CCSER1: variants seen among roughly 807,000 people sequenced by gnomAD.
The protein encoded by CCSER1 is coiled-coil serine rich protein 1, also known as serine-rich coiled-coil domain-containing protein 1.
CCSER1 carries 41 observed loss-of-function variants against 82.0 expected under a neutral mutation model. That is an observed-to-expected ratio of 0.50 (90% CI 0.39 to 0.65). The LOEUF is 0.65. Ranked by LOEUF, CCSER1 falls within the 30% of genes least tolerant of loss-of-function variation. CCSER1 has a pLI of 0.00. For synonymous variants in CCSER1, 414 were observed against 383.9 expected, an observed-to-expected ratio of 1.08 and a Z score of -0.92; for missense variants, 1,119 against 1,064.2, an observed-to-expected ratio of 1.05 and a Z score of -0.72.
chr4:91,308,533 A>G (rs1745232033), intron 10 of CCSER1, among the ~76,000 whole-genome samples: 1 of 152,036 alleles, frequency 6.6e-6, no homozygotes, highest in South Asian at 2.1e-4. Context: ...TCTTTGCTAA[A>G]GAACAATGCC....
intron 1 of CCSER1, among the ~76,000 whole-genome samples, chr4:90,225,089 G>A (rs1332527208): frequency 6.6e-6 from 1 of 150,948 alleles, no homozygotes; most frequent in Non-Finnish European, 1.5e-5. Flanking sequence ...TTTTGAGACA[G>A]TTTTCACTCC....
chr4:91,221,482 G>C (rs1737737001), intron 10 of CCSER1, among the ~76,000 whole-genome samples: 1 of 151,988 alleles, frequency 6.6e-6, no homozygotes, highest in African/African-American at 2.4e-5. Flanking sequence ...ATAATATTAA[G>C]AGCTTTAAAA....
chr4:91,105,882 G>T (rs1391269410), intron 10 of CCSER1, among the ~76,000 whole-genome samples: 1 of 149,592 alleles, frequency 6.7e-6, no homozygotes, highest in Non-Finnish European at 1.5e-5. Context: ...TACGGTTTTT[G>T]TTTTTTTTTC....
chr4:91,444,189 T>G (rs1237376481), intron 10 of CCSER1, among the ~76,000 whole-genome samples: 4 of 152,112 alleles, frequency 2.6e-5, no homozygotes, highest in Non-Finnish European at 2.9e-5. Flanking sequence ...GTCACTAGAG[T>G]TAAAAATAAA....
rs1370308344 is a variant in CCSER1, at chr4:91,503,376, T to TTGAAA, written c.2218-95196_2218-95195insTGAAA. On this transcript the variant is annotated intron_variant, in intron 10 of 10. Coordinates refer to ENST00000509176, the MANE Select transcript of CCSER1 (RefSeq NM_001145065.2). ...AAAAAGAAAAAAAGAAAGATTTCCA[T>TTGAAA]ATTTTCAATGGCTATATGTGCTGTA... Among the ~76,000 whole-genome samples, 27 of 151,672 alleles carry TTGAAA rather than the reference T, an allele frequency of 1.8e-4. No individual in the cohort carries two copies. The East Asian group carries it at 3.7e-3, about 21-fold the overall frequency.
intron 1 of CCSER1, among the ~76,000 whole-genome samples, chr4:90,296,031 T>C (rs933201037): frequency 1.3e-5 from 2 of 152,072 alleles, no homozygotes; most frequent in African/African-American, 4.8e-5. Flanking sequence ...TCTTTACTAA[T>C]AAACATATAT....
chr4:90,780,546 A>C, intron 7 of CCSER1: 1 of 1,578,430 alleles, frequency 6.3e-7, no homozygotes, highest in Non-Finnish European at 8.6e-7. Flanking sequence ...GTTGAAGATG[A>C]AAGGAAAGAA....
intron 10 of CCSER1, among the ~76,000 whole-genome samples, chr4:91,555,570 G>T (rs1402809477): frequency 1.3e-5 from 2 of 150,740 alleles, no homozygotes; most frequent in Non-Finnish European, 3.0e-5. Flanking sequence ...TAACATTAAT[G>T]TTATCCATTT....
At chr4:91,061,159 CATT>C (rs1196603652) in intron 9 of CCSER1, among the ~76,000 whole-genome samples, 1 of 151,746 alleles carries the variant, frequency 6.6e-6, no homozygotes, top group African/African-American at 2.4e-5. Flanking sequence ...ACAAACATCT[CATT>C]AGTATCGATA....
chr4:91,385,150 A>G (rs924703778), intron 10 of CCSER1, among the ~76,000 whole-genome samples: 2 of 152,122 alleles, frequency 1.3e-5, no homozygotes, highest in Non-Finnish European at 1.5e-5. Flanking sequence ...AATGATTTAT[A>G]GTTGTAAAAT....
chr4:90,943,729 A>ATTTTTTTTTTTTTTTTT lies in CCSER1; in HGVS notation c.2172+20295_2172+20311dup, dbSNP rs70965460. Among the ~76,000 whole-genome samples, 99 of 68,882 alleles carry ATTTTTTTTTTTTTTTTT rather than the reference A, an allele frequency of 1.4e-3. 11 individuals are homozygous for ATTTTTTTTTTTTTTTTT. Among genetic ancestry groups the ATTTTTTTTTTTTTTTTT allele is most frequent in the East Asian group, 4.7e-3 (9 of 1,930 alleles). The allele number at this position is 68,882 out of a possible 152,430, so 45.2% of individuals were successfully genotyped here. A position where few individuals can be genotyped will look rare whatever the true frequency, so the allele number is the denominator to read the frequency against. On this transcript the variant is annotated intron_variant, in intron 9 of 10. Transcript: ENST00000509176. ...AAACATGAGCCACTGTGCCAGGCTAATTTTTTTTTTTTTTTTTTTTTTTTT... is the reference window on the plus strand; with the variant it reads ...AAACATGAGCCACTGTGCCAGGCTAATTTTTTTTTTTTTTTTTTTTTTTTTTTTTTTTTTTTTTTTTT...
chr4:90,377,655 G>A (rs1396205438), intron 3 of CCSER1, among the ~76,000 whole-genome samples: 3 of 151,954 alleles, frequency 2.0e-5, no homozygotes, highest in South Asian at 2.1e-4. Flanking sequence ...TTTTGGAAAC[G>A]TAAATATTAC....
intron 10 of CCSER1, among the ~76,000 whole-genome samples, chr4:91,135,633 T>C (rs535453768): frequency 3.3e-5 from 5 of 152,152 alleles, no homozygotes; most frequent in Non-Finnish European, 7.4e-5. Flanking sequence ...TAAGAAATAT[T>C]AGATGCACAG....
intron 1 of CCSER1, among the ~76,000 whole-genome samples, chr4:90,304,999 C>G (rs982138297): frequency 1.3e-5 from 2 of 151,770 alleles, no homozygotes; most frequent in Admixed American, 6.6e-5. Flanking sequence ...TCACTGCAAC[C>G]TCCGCTTCCT....
intron 3 of CCSER1, among the ~76,000 whole-genome samples, chr4:90,317,123 A>G (rs565071501): frequency 2.2e-4 from 34 of 152,362 alleles, no homozygotes; most frequent in Non-Finnish European, 4.4e-4. Context: ...ATATAAATGT[A>G]TACATGTAAG....
At position 91,185,984 on chromosome 4, in the gene CCSER1, A is replaced by T. The variant is rs115355464; in HGVS notation, c.2217+99990A>T. On this transcript the variant is annotated intron_variant, in intron 10 of 10. Transcript: ENST00000509176. Reference sequence around the variant, plus strand: ...AAGCAATAGGCTCAAATGTAGCCATAATATTTCCCTGTTGATCTGGGGGGT... The same window carrying T: ...AAGCAATAGGCTCAAATGTAGCCATTATATTTCCCTGTTGATCTGGGGGGT... Among the ~76,000 whole-genome samples, 961 of 152,282 alleles carry T rather than the reference A, an allele frequency of 6.3e-3. 4 individuals are homozygous for T. Among genetic ancestry groups the T allele is most frequent in the Non-Finnish European group, 9.1e-3 (618 of 68,012 alleles).
chr4:91,075,905 T>C (rs975067615), intron 9 of CCSER1, among the ~76,000 whole-genome samples: 12 of 152,152 alleles, frequency 7.9e-5, no homozygotes, highest in Non-Finnish European at 2.9e-5. Flanking sequence ...AGATTGTGCA[T>C]GTTTCCTAGC....
intron 9 of CCSER1, among the ~76,000 whole-genome samples, chr4:91,066,280 G>T (rs1196846249): frequency 6.6e-6 from 1 of 152,156 alleles, no homozygotes; most frequent in Non-Finnish European, 1.5e-5. Flanking sequence ...TAAAATCCAA[G>T]CCATTCTCAG....
intron 10 of CCSER1, among the ~76,000 whole-genome samples, chr4:91,397,994 T>C (rs1273681973): frequency 6.6e-6 from 1 of 152,040 alleles, no homozygotes; most frequent in Admixed American, 6.6e-5. Context: ...GTAATCATTA[T>C]ATGCTGAAAT....
Sources: gnomAD v4.1 joint callset for allele counts (sites outside exome capture counted in the v4.1 genomes callset) on GRCh38, gnomAD v4.1.1 for gene constraint, MANE v1.5 for transcripts, NCBI Gene and HGNC (gene_info 2026-07-23, HGNC 2026-07-21) for gene names.